Variants in TICRR observed in about 807,000 individuals in gnomAD.
The protein encoded by TICRR is TOPBP1 interacting checkpoint and replication regulator, also known as treslin.
A neutral mutation model predicts 178.1 loss-of-function variants in TICRR; 132 were observed. That is an observed-to-expected ratio of 0.74 (90% CI 0.64 to 0.86). TICRR has a LOEUF of 0.86. Among genes scored for constraint, TICRR ranks in the 40% least tolerant of loss-of-function variants. The pLI is 0.00. For missense variants in TICRR, 2,587 were observed against 2,334.3 expected, an observed-to-expected ratio of 1.11 and a Z score of -2.23; for synonymous variants, 991 against 900.7, an observed-to-expected ratio of 1.10 and a Z score of -1.79.
intron 15 of TICRR, among the ~76,000 whole-genome samples, chr15:89,612,003 T>C (rs1963263002): frequency 6.6e-6 from 1 of 152,224 alleles, no homozygotes. Context: ...ATTTCTCTTT[T>C]CTGGTAAATA....
chr15:89,604,462 A>G (rs1433880012), intron 13 of TICRR, among the ~76,000 whole-genome samples: 1 of 152,186 alleles, frequency 6.6e-6, no homozygotes, highest in Non-Finnish European at 1.5e-5. Flanking sequence ...ATTGGACAAG[A>G]CAGTTTTCTT....
chr15:89,615,578 G>A (rs1304672025), intron 15 of TICRR, among the ~76,000 whole-genome samples: 1 of 152,142 alleles, frequency 6.6e-6, no homozygotes, highest in Non-Finnish European at 1.5e-5. Flanking sequence ...AGTGATCTCT[G>A]TTCCTTTATG....
intron 1 of TICRR, among the ~76,000 whole-genome samples, chr15:89,581,643 T>A (rs1416466529): frequency 1.3e-5 from 2 of 150,874 alleles, no homozygotes; most frequent in Non-Finnish European, 3.0e-5. Flanking sequence ...CTAGAAGGAG[T>A]GGGGGTGGAT....
At chr15:89,600,936 C>T (rs1963083297) in intron 9 of TICRR, among the ~76,000 whole-genome samples, 1 of 148,292 alleles carries the variant, frequency 6.7e-6, no homozygotes, top group South Asian at 2.1e-4. Context: ...GCCCTAGCTA[C>T]TTGGGATGCT....
At chr15:89,613,734 CTTTT>C (rs34162195) in intron 15 of TICRR, among the ~76,000 whole-genome samples, 1,078 of 61,560 alleles carry the variant, frequency 0.018, 15 homozygotes, top group African/African-American at 0.062. Context: ...TTTCTATTCG[CTTTT>C]TTTTTTTTTT....
In TICRR at chr15:89,594,493, C is replaced by G. The variant is rs371512256; in HGVS notation, c.1620C>G (p.Leu540=). 4.5e-5 allele frequency: 72 copies of G among 1,613,102 alleles called. No homozygotes were observed. The highest frequency in any genetic ancestry group is 5.7e-5 in the Non-Finnish European group (67 of 1,179,590). The change falls in exon 6 of 22, where the codon CTC becomes CTG. Residue 540 remains leucine (L), a synonymous_variant. Coordinates refer to ENST00000268138, the MANE Select transcript of TICRR (RefSeq NM_152259.4). ...AATTAATACATTGCCTTGCCGAGCT[C>G]TACCAGAGAAAATCTCGTGAAGAAT... The part of the protein sequence containing the change: ...EGELIHCLAE[L]YQRKSREEST...
Position 89,619,688 on chromosome 15 carries a change from C to G in TICRR, c.3020-20C>G. 6.3e-7 allele frequency: 1 copy of G among 1,595,216 alleles called. No homozygotes were observed. The highest frequency in any genetic ancestry group is 1.2e-5 in the South Asian group (1 of 86,910). ...GCTTGTAGTTGTCTTTGGTTACTTACTGTGGTTCTGATTTTACAGAAATAA... is the reference window on the plus strand; with the variant it reads ...GCTTGTAGTTGTCTTTGGTTACTTAGTGTGGTTCTGATTTTACAGAAATAA... On this transcript the variant is annotated intron_variant, in intron 17 of 21. Transcript: ENST00000268138.
Position 89,599,481 on chromosome 15 carries a change from A to G in TICRR, c.2052+6A>G. ...AAGGCACCAAGGAATTAGAAGTAAG[A>G]GGGTCCAGATATTGTTGTTTGTCAT... On this transcript the variant is annotated splice_donor_region_variant and intron_variant, in intron 8 of 21. Coordinates refer to ENST00000268138, the MANE Select transcript of TICRR (RefSeq NM_152259.4). 6.2e-7 allele frequency: 1 copy of G among 1,610,752 alleles called. No individual in the cohort carries two copies. Among genetic ancestry groups the G allele is most frequent in the Middle Eastern group, 1.7e-4 (1 of 6,044 alleles).
chr15:89,601,252 T>G, intron 9 of TICRR, 46 bp from the exon 10 acceptor site: 1 of 1,558,904 alleles, frequency 6.4e-7, no homozygotes. Context: ...GCTTTTTGTT[T>G]AGTGACATCC....
intron 1 of TICRR, among the ~76,000 whole-genome samples, chr15:89,578,912 C>A (rs918996647): frequency 6.6e-6 from 1 of 152,026 alleles, no homozygotes; most frequent in African/African-American, 2.4e-5. Context: ...TGGGCTGTGT[C>A]CTTGGGGAGT....
intron 1 of TICRR, chr15:89,579,987 AG>A (rs995833619): frequency 6.6e-6 from 1 of 152,198 alleles, no homozygotes; most frequent in Non-Finnish European, 1.5e-5. Context: ...TAGAAACTTA[AG>A]GTCCTTTTCA....
chr15:89,626,204 G>C (rs780171117), intron 21 of TICRR, 143 bp downstream of exon 21: 31 of 837,754 alleles, frequency 3.7e-5, no homozygotes, highest in Non-Finnish European at 5.0e-5. Context: ...CGTCATGTGT[G>C]CCCTTCCCAG....
intron 15 of TICRR, among the ~76,000 whole-genome samples, chr15:89,615,462 AG>A (rs535547714): frequency 2.1e-4 from 32 of 152,296 alleles, no homozygotes; most frequent in East Asian, 3.9e-4. Flanking sequence ...GGCAAGTTAA[AG>A]CTTCCTGAGA....
At chr15:89,599,506 T>G in intron 8 of TICRR, 31 bp downstream of exon 8, 4 of 1,593,488 alleles carry the variant, frequency 2.5e-6, no homozygotes, top group Non-Finnish European at 3.4e-6. Flanking sequence ...TTGTTTGTCA[T>G]GGATGTAGTG....
rs1963424137 is a variant in TICRR, at chr15:89,621,490, A to G, written c.3252A>G (p.Ser1084=). 2 of 1,614,148 alleles carry G rather than the reference A, an allele frequency of 1.2e-6. No individual in the cohort carries two copies. The highest frequency in any genetic ancestry group is 1.7e-5 in the Admixed American group (1 of 60,014). Residue 1084 remains serine, a synonymous_variant, in exon 19 of 22, where the codon TCA becomes TCG. Transcript: ENST00000268138. ...TGATCAGCCCCTCAGAAAAGGGTTC[A>G]GCTCGAATGAAAAAGCGTTCAAGAA... ...SEMISPSEKG[S]ARMKKRSRNT... is the part of the protein sequence containing the mutation.
chr15:89,595,700 C>A, intron 7 of TICRR, 89 bp downstream of exon 7: 1 of 860,826 alleles, frequency 1.2e-6, no homozygotes, highest in South Asian at 1.7e-5. Flanking sequence ...TGACTATCTG[C>A]TACATGCACA....
intron 7 of TICRR, among the ~76,000 whole-genome samples, chr15:89,597,173 A>C (rs904508152): frequency 2.0e-5 from 3 of 152,160 alleles, no homozygotes; most frequent in South Asian, 4.1e-4. Context: ...GCTTTTATCT[A>C]TTGCTAAGAT....
intron 1 of TICRR, among the ~76,000 whole-genome samples, chr15:89,578,229 C>T (rs1182584217): frequency 6.6e-6 from 1 of 152,126 alleles, no homozygotes; most frequent in Non-Finnish European, 1.5e-5. Flanking sequence ...AATGGAAATA[C>T]ATGTCACTAA....
chr15:89,591,127 TTG>T (rs139343320), intron 4 of TICRR, among the ~76,000 whole-genome samples: 3 of 151,828 alleles, frequency 2.0e-5, no homozygotes, highest in Admixed American at 6.6e-5. Context: ...AAGCCAATTT[TTG>T]TGTGTGTGTG....
Sources: gnomAD v4.1 joint callset for allele counts (sites outside exome capture counted in the v4.1 genomes callset) on GRCh38, gnomAD v4.1.1 for gene constraint, MANE v1.5 for transcripts, NCBI Gene and HGNC (gene_info 2026-07-23, HGNC 2026-07-21) for gene names.